ARHGAP42: variants seen among roughly 807,000 people sequenced by gnomAD.
ARHGAP42 encodes the protein Rho GTPase activating protein 42.
Under a neutral mutation model 125.0 loss-of-function variants are expected in ARHGAP42, and 63 were observed. The observed-to-expected ratio is 0.50, with a 90% CI of 0.41 to 0.62. The LOEUF (loss-of-function observed/expected upper bound fraction) is 0.62, where lower values mean the gene tolerates loss of function less well. Among genes scored for constraint, ARHGAP42 ranks in the 20% least tolerant of loss-of-function variants. ARHGAP42 has a pLI of 0.00. For synonymous variants in ARHGAP42, 339 were observed against 351.0 expected, an observed-to-expected ratio of 0.97 and a Z score of 0.38; for missense variants, 766 against 1,024.2, an observed-to-expected ratio of 0.75 and a Z score of 3.44.
intron 4 of ARHGAP42, among the ~76,000 whole-genome samples, chr11:100,899,743 T>G (rs1866485312): frequency 6.9e-6 from 1 of 145,050 alleles, no homozygotes; most frequent in Non-Finnish European, 1.5e-5. Context: ...TGTTTTTTTT[T>G]GCTCTCTATT....
At chr11:100,688,731 ATTTATTTATGTATT>A (rs534892185) in intron 1 of ARHGAP42, among the ~76,000 whole-genome samples, 1 of 152,192 alleles carries the variant, frequency 6.6e-6, no homozygotes, top group Admixed American at 6.5e-5. Context: ...ATTTATTTTT[ATTTATTTATGTATT>A]TATTTATTTT....
chr11:100,834,959 T>A (rs948001620), intron 3 of ARHGAP42, among the ~76,000 whole-genome samples: 1 of 151,904 alleles, frequency 6.6e-6, no homozygotes, highest in African/African-American at 2.4e-5. Flanking sequence ...TTTCTAAAAA[T>A]TTATAAATGT....
chr11:100,888,887 G>T (rs1385439186), intron 4 of ARHGAP42, among the ~76,000 whole-genome samples: 3 of 152,122 alleles, frequency 2.0e-5, no homozygotes, highest in Non-Finnish European at 4.4e-5. Context: ...ATGCTTCTTT[G>T]TGTATTTTCT....
At chr11:100,779,519 CGTATACATGCGT>C (rs1863227711) in intron 2 of ARHGAP42, among the ~76,000 whole-genome samples, 2 of 127,684 alleles carry the variant, frequency 1.6e-5, no homozygotes, top group Admixed American at 8.1e-5. Flanking sequence ...TATATATATA[CGTATACATGCGT>C]ATATATACGT....
rs1414967225 is a variant in ARHGAP42, at chr11:100,988,353, A to C, written c.2537-360A>C. ...TACATTCCAGAATTTTTGCATGCACACTTTAACCAACCATGGATCAAAAAG... is the reference window on the plus strand; with the variant it reads ...TACATTCCAGAATTTTTGCATGCACCCTTTAACCAACCATGGATCAAAAAG... On this transcript the variant is annotated intron_variant, in intron 23 of 23. Transcript: ENST00000298815. Among the ~76,000 whole-genome samples the C allele has an allele frequency of 2.0e-5, 3 of 152,190 alleles. No homozygotes were observed. In the East Asian group the frequency reaches 5.8e-4, roughly 29 times the overall value.
intron 3 of ARHGAP42, among the ~76,000 whole-genome samples, chr11:100,823,083 C>T (rs1591210852): frequency 6.6e-6 from 1 of 152,158 alleles, no homozygotes; most frequent in East Asian, 1.9e-4. Context: ...TGGCTGATCT[C>T]CACCCTGTAT....
intron 3 of ARHGAP42, among the ~76,000 whole-genome samples, chr11:100,804,698 G>A (rs1330570870): frequency 6.6e-6 from 1 of 151,818 alleles, no homozygotes; most frequent in Non-Finnish European, 1.5e-5. Flanking sequence ...ATTTTTATTA[G>A]AGATGGGGTT....
chr11:100,787,518 A>G (rs1456831168), intron 2 of ARHGAP42, among the ~76,000 whole-genome samples: 1 of 152,206 alleles, frequency 6.6e-6, no homozygotes, highest in Non-Finnish European at 1.5e-5. Flanking sequence ...GGATAAGAGA[A>G]ATGAGAGTAT....
At chr11:100,691,458 A>G (rs1861188338) in intron 1 of ARHGAP42, among the ~76,000 whole-genome samples, 1 of 152,184 alleles carries the variant, frequency 6.6e-6, no homozygotes, top group Admixed American at 6.5e-5. Flanking sequence ...CACAGACCCC[A>G]AAAAAGAGAC....
At chr11:100,755,858 T>C (rs942003304) in intron 1 of ARHGAP42, among the ~76,000 whole-genome samples, 1 of 152,194 alleles carries the variant, frequency 6.6e-6, no homozygotes, top group African/African-American at 2.4e-5. Flanking sequence ...TGTTCAAAGA[T>C]AGGAAAAGGA....
At chr11:100,966,478 G>A (rs1229761019) in intron 17 of ARHGAP42, among the ~76,000 whole-genome samples, 3 of 152,116 alleles carry the variant, frequency 2.0e-5, no homozygotes, top group Admixed American at 6.5e-5. Context: ...AGGCAATCTT[G>A]AGACAGAATT....
At chr11:100,701,524 C>A (rs1250782519) in intron 1 of ARHGAP42, among the ~76,000 whole-genome samples, 3 of 152,246 alleles carry the variant, frequency 2.0e-5, no homozygotes, top group Non-Finnish European at 4.4e-5. Flanking sequence ...AGAGAGCTTG[C>A]TGCAGCGTCT....
chr11:100,968,505 C>T (rs1264727360), intron 17 of ARHGAP42, among the ~76,000 whole-genome samples: 1 of 152,040 alleles, frequency 6.6e-6, no homozygotes. Context: ...TTTCCTCTTT[C>T]TCCTTTTTGT....
chr11:100,703,894 G>A (rs7951366), intron 1 of ARHGAP42, among the ~76,000 whole-genome samples: 12,771 of 152,242 alleles, frequency 0.084, 703 homozygotes, highest in African/African-American at 0.15. Context: ...TTTCTGCACC[G>A]AAGACAGACA....
intron 1 of ARHGAP42, among the ~76,000 whole-genome samples, chr11:100,746,016 T>G (rs1862296212): frequency 6.6e-6 from 1 of 152,186 alleles, no homozygotes; most frequent in African/African-American, 2.4e-5. Flanking sequence ...TATGATGTCT[T>G]ATTTTTCCTT....
intron 4 of ARHGAP42, among the ~76,000 whole-genome samples, chr11:100,874,476 G>T (rs2135164215): frequency 6.6e-6 from 1 of 152,264 alleles, no homozygotes; most frequent in Middle Eastern, 3.4e-3. Flanking sequence ...CACAATACCA[G>T]CAGGAGAGCA....
chr11:100,808,395 C>CTTTT (rs398045483), intron 3 of ARHGAP42, among the ~76,000 whole-genome samples: 287 of 118,756 alleles, frequency 2.4e-3, no homozygotes, highest in Non-Finnish European at 3.4e-3. Context: ...TAAATTCACT[C>CTTTT]TTTTTTTTTT....
intron 3 of ARHGAP42, among the ~76,000 whole-genome samples, chr11:100,841,662 A>G (rs1361058038): frequency 3.9e-5 from 6 of 151,944 alleles, no homozygotes; most frequent in Admixed American, 3.9e-4. Flanking sequence ...GGCTTTCATC[A>G]TGCTAGCCTT....
chr11:100,711,420 T>A (rs569965418), intron 1 of ARHGAP42, among the ~76,000 whole-genome samples: 164 of 152,302 alleles, frequency 1.1e-3, no homozygotes, highest in Non-Finnish European at 1.3e-3. Flanking sequence ...AGTGGTGAGA[T>A]CTTGGCTCAC....
Sources: allele counts gnomAD v4.1 joint callset (sites outside exome capture counted in the v4.1 genomes callset), GRCh38; gene constraint gnomAD v4.1.1; transcripts MANE v1.5; gene names NCBI Gene and HGNC (gene_info 2026-07-23, HGNC 2026-07-21).